The following ATG14 variants were observed in gnomAD, a reference collection of about 807,000 sequenced individuals.
The protein encoded by ATG14 is beclin 1-associated autophagy-related key regulator.
A neutral mutation model predicts 60.4 loss-of-function variants in ATG14; 35 were observed. That is an observed-to-expected ratio of 0.58 (90% CI 0.44 to 0.77). ATG14 has a LOEUF of 0.77. Among genes scored for constraint, ATG14 ranks in the 30% least tolerant of loss-of-function variants. ATG14 has a pLI of 0.00. For synonymous variants in ATG14, 234 were observed against 228.8 expected (o/e 1.02, Z -0.21); for missense variants, 647 against 626.3 (o/e 1.03, Z -0.35).
At chr14:55,370,736 G>A (rs143371948) in intron 9 of ATG14, among the ~76,000 whole-genome samples, 1 of 152,118 alleles carries the variant, frequency 6.6e-6, no homozygotes, top group African/African-American at 2.4e-5. Context: ...CACCGCCCAG[G>A]TGCAAGCGAT....
intron 9 of ATG14, among the ~76,000 whole-genome samples, chr14:55,370,339 TGTAATAA>T (rs1884785908): frequency 1.3e-5 from 2 of 152,292 alleles, no homozygotes; most frequent in East Asian, 1.9e-4. Flanking sequence ...TATTATTTAG[TGTAATAA>T]GTAATAAATG....
At chr14:55,373,789 A>G (rs1884867324) in intron 9 of ATG14, among the ~76,000 whole-genome samples, 1 of 148,328 alleles carries the variant, frequency 6.7e-6, no homozygotes, top group Admixed American at 6.8e-5. Flanking sequence ...TTTTTCTGTA[A>G]GTTTAAATTT....
At chr14:55,380,249 AAACAACAACAAC>A (rs111920943) in intron 7 of ATG14, among the ~76,000 whole-genome samples, 2 of 150,508 alleles carry the variant, frequency 1.3e-5, no homozygotes, top group East Asian at 2.0e-4. Flanking sequence ...CTCTGTCTCA[AAACAACAACAAC>A]AACAACAACA....
Position 55,405,472 on chromosome 14 carries a change from A to G in ATG14, c.221+6130T>C, listed in dbSNP as rs117428809. On this transcript the variant is annotated intron_variant, in intron 1 of 9. Transcript: ENST00000247178. ...AAAACATAATTATAAAGTAGTATCT[A>G]TATGTTCATACAATTTGTCTCTCTT... Among the ~76,000 whole-genome samples, 426 of 152,328 alleles carry G rather than the reference A, an allele frequency of 2.8e-3. 1 individual carries two copies. Among genetic ancestry groups the G allele is most frequent in the Non-Finnish European group, 4.6e-3 (312 of 68,024 alleles).
At chr14:55,386,831 GA>G (rs1458803612) in intron 4 of ATG14, among the ~76,000 whole-genome samples, 7 of 152,184 alleles carry the variant, frequency 4.6e-5, no homozygotes, top group Non-Finnish European at 1.0e-4. Flanking sequence ...TCACTTGAAT[GA>G]CAAAAACAAG....
chr14:55,389,042 T>C (rs1885170982), intron 4 of ATG14, among the ~76,000 whole-genome samples: 1 of 152,208 alleles, frequency 6.6e-6, no homozygotes, highest in Non-Finnish European at 1.5e-5. Context: ...GTTCTCTCTC[T>C]AGATTTTAAA....
intron 1 of ATG14, among the ~76,000 whole-genome samples, chr14:55,407,376 G>A (rs12885227): frequency 0.23 from 34,293 of 151,956 alleles, 4,110 homozygotes; most frequent in South Asian, 0.26. Context: ...TAATCTGCCC[G>A]CCTCAGCCTC....
At chr14:55,374,356 C>T (rs1312093457) in intron 9 of ATG14, among the ~76,000 whole-genome samples, 1 of 152,024 alleles carries the variant, frequency 6.6e-6, no homozygotes, top group African/African-American at 2.4e-5. Context: ...TTGTGTGAGC[C>T]GCATGTTTTA....
At chr14:55,389,500 A>T (rs547127511) in intron 4 of ATG14, among the ~76,000 whole-genome samples, 1 of 152,314 alleles carries the variant, frequency 6.6e-6, no homozygotes, top group South Asian at 2.1e-4. Flanking sequence ...TTTTCAATGG[A>T]AGCTTTACAC....
rs764746238 is a variant in ATG14 at position 55,377,920 on chromosome 14, G to T, written c.1087-16C>A. The T allele has an allele frequency of 6.3e-7, 1 of 1,595,190 alleles. No homozygotes were observed. Among genetic ancestry groups the T allele is most frequent in the Non-Finnish European group, 8.5e-7 (1 of 1,171,952 alleles). ...AATTTACATGCTAAAAAAAATTAAA[G>T]AATTGGTTAATATTTTCAACTATTT... On this transcript the variant is annotated splice_polypyrimidine_tract_variant and intron_variant, in intron 8 of 9. Transcript: ENST00000247178.
At chr14:55,410,811 TACTATCATTG>T (rs374161453) in intron 1 of ATG14, among the ~76,000 whole-genome samples, 52 of 152,364 alleles carry the variant, frequency 3.4e-4, no homozygotes, top group African/African-American at 1.1e-3. Context: ...CTAGCTATCT[TACTATCATTG>T]ACTATCATTG....
At chr14:55,393,157 G>A (rs113762052) in intron 3 of ATG14, among the ~76,000 whole-genome samples, 8,592 of 152,166 alleles carry the variant, frequency 0.056, 297 homozygotes, top group South Asian at 0.086. Flanking sequence ...CAAGGTGGGC[G>A]GATCACGAGG....
At chr14:55,381,727 G>A (rs1885036985) in intron 6 of ATG14, among the ~76,000 whole-genome samples, 2 of 152,180 alleles carry the variant, frequency 1.3e-5, no homozygotes, top group South Asian at 4.1e-4. Context: ...AGCAATGTGT[G>A]GTTGCCAGGA....
chr14:55,372,940 A>C (rs1320445692), intron 9 of ATG14, among the ~76,000 whole-genome samples: 1 of 152,132 alleles, frequency 6.6e-6, no homozygotes, highest in Non-Finnish European at 1.5e-5. Flanking sequence ...AAGACTCCTC[A>C]AGGGGCCAGT....
Position 55,406,026 on chromosome 14 carries a change from C to T in ATG14, c.221+5576G>A, listed in dbSNP as rs1051391074. 8.5e-5 allele frequency among the ~76,000 whole-genome samples: 13 copies of T among 152,116 alleles called. No homozygotes were observed. In the South Asian group the frequency reaches 1.0e-3, roughly 12 times the overall value. ...GTAGGGAAGTCTTCCCATCGAACAA[C>T]GACAAAAAAATAATGAGTTTAGGTA... is the stretch of plus-strand genomic sequence containing the variant. On this transcript the variant is annotated intron_variant, in intron 1 of 9. Transcript: ENST00000247178.
intron 2 of ATG14, 110 bp downstream of exon 2, chr14:55,397,262 C>T: frequency 1.0e-6 from 1 of 956,648 alleles, no homozygotes; most frequent in Non-Finnish European, 1.7e-6. Flanking sequence ...GAGGTTGTAT[C>T]CTAAATTCAG....
At chr14:55,402,853 T>C (rs1262653797) in intron 1 of ATG14, among the ~76,000 whole-genome samples, 1 of 103,934 alleles carries the variant, frequency 9.6e-6, no homozygotes, top group Non-Finnish European at 1.8e-5. Flanking sequence ...TTGAATCGAG[T>C]TCAAGACCAG....
chr14:55,397,309 T>C, intron 2 of ATG14, 63 bp downstream of exon 2: 3 of 1,396,864 alleles, frequency 2.1e-6, no homozygotes, highest in Non-Finnish European at 3.0e-6. Flanking sequence ...ACCACAGCAC[T>C]GAATTCAACC....
At chr14:55,394,069 C>T (rs1008847434) in intron 3 of ATG14, among the ~76,000 whole-genome samples, 20 of 149,296 alleles carry the variant, frequency 1.3e-4, no homozygotes, top group Non-Finnish European at 2.4e-4. Flanking sequence ...TACAGTGGCG[C>T]AATCTCGGCT....
Sources: gnomAD v4.1 joint callset for allele counts (sites outside exome capture counted in the v4.1 genomes callset) on GRCh38, gnomAD v4.1.1 for gene constraint, MANE v1.5 for transcripts, NCBI Gene and HGNC (gene_info 2026-07-23, HGNC 2026-07-21) for gene names.